Variants in ST8SIA1 observed in about 807,000 individuals in gnomAD.
The protein encoded by ST8SIA1 is alpha-N-acetylneuraminide alpha-2,8-sialyltransferase.
Under a neutral mutation model 35.9 loss-of-function variants are expected in ST8SIA1, and 16 were observed. That is an observed-to-expected ratio of 0.45 (90% CI 0.30 to 0.68). The LOEUF (loss-of-function observed/expected upper bound fraction) is 0.68, where lower values mean the gene tolerates loss of function less well. Among genes scored for constraint, ST8SIA1 ranks in the 30% least tolerant of loss-of-function variants. ST8SIA1 has a pLI of 0.09. For missense variants in ST8SIA1, 383 were observed against 453.6 expected, an observed-to-expected ratio of 0.84 and a Z score of 1.41; for synonymous variants, 170 against 169.6, an observed-to-expected ratio of 1.00 and a Z score of -0.02.
At position 22,201,351 on chromosome 12, in the gene ST8SIA1, G is replaced by A. The variant is rs1349220752; in HGVS notation, c.*201C>T. 5 of 630,970 alleles carry A rather than the reference G, an allele frequency of 7.9e-6. No homozygotes were observed. Among genetic ancestry groups the A allele is most frequent in the Non-Finnish European group, 1.3e-5 (5 of 388,398 alleles). 39.1% of individuals were successfully genotyped at this position (630,970 alleles called of 1,614,324 possible). A position where few individuals can be genotyped will look rare whatever the true frequency, so the allele number is the denominator to read the frequency against. ...TTGCAAATCTGCCATGTGCTATAAA[G>A]TATTTCATAGGATGTTTCATTTCTT... On this transcript the variant is annotated 3_prime_UTR_variant, in exon 5 of 5. Transcript: ENST00000396037.
chr12:22,232,821 G>A (rs938536269), intron 4 of ST8SIA1, among the ~76,000 whole-genome samples: 2 of 152,020 alleles, frequency 1.3e-5, no homozygotes, highest in Non-Finnish European at 2.9e-5. Context: ...CCAGGTGACA[G>A]AGACTCTGCC....
chr12:22,209,160 A>T (rs2120628915), intron 4 of ST8SIA1, among the ~76,000 whole-genome samples: 1 of 152,356 alleles, frequency 6.6e-6, no homozygotes, highest in East Asian at 1.9e-4. Flanking sequence ...GACAAGCAGC[A>T]GATTGGGATG....
intron 1 of ST8SIA1, among the ~76,000 whole-genome samples, chr12:22,323,802 C>T (rs1258471365): frequency 6.6e-6 from 1 of 152,146 alleles, no homozygotes; most frequent in East Asian, 1.9e-4. Flanking sequence ...GAGAGCTGAT[C>T]GATGAGAACA....
intron 2 of ST8SIA1, among the ~76,000 whole-genome samples, chr12:22,282,227 C>A (rs1866045554): frequency 6.6e-6 from 1 of 152,118 alleles, no homozygotes; most frequent in African/African-American, 2.4e-5. Flanking sequence ...CCAGCCCTTC[C>A]ACCTACCAGC....
At chr12:22,275,880 A>G (rs1331962223) in intron 2 of ST8SIA1, among the ~76,000 whole-genome samples, 6 of 152,214 alleles carry the variant, frequency 3.9e-5, no homozygotes, top group Non-Finnish European at 8.8e-5. Flanking sequence ...TTCTGCAACT[A>G]TAAGCTGATG....
rs1376447987 is a variant in ST8SIA1, at chr12:22,200,124, CGCTCAACA to C, written c.*1420_*1427del. On this transcript the variant is annotated 3_prime_UTR_variant, in exon 5 of 5. Transcript: ENST00000396037. ...GTACAAACTATACCTTGTGTGACCA[CGCTCAACA>C]GCAAGCCCATTCATGAGATTTTGGG... 6.6e-6 allele frequency: 1 copy of C among 152,228 alleles called. No homozygotes were observed. The highest frequency in any genetic ancestry group is 1.5e-5 in the Non-Finnish European group (1 of 68,048). The allele number at this position is 152,228 out of a possible 1,614,324, so 9.4% of individuals were successfully genotyped here. A position where few individuals can be genotyped will look rare whatever the true frequency, so the allele number is the denominator to read the frequency against.
chr12:22,300,286 C>A (rs1304596566), intron 1 of ST8SIA1, among the ~76,000 whole-genome samples: 1 of 152,036 alleles, frequency 6.6e-6, no homozygotes, highest in East Asian at 1.9e-4. Context: ...AGACACAAGG[C>A]CAGAAATTAA....
intron 4 of ST8SIA1, among the ~76,000 whole-genome samples, chr12:22,213,059 G>A (rs144193803): frequency 9.7e-4 from 147 of 152,130 alleles, no homozygotes; most frequent in African/African-American, 3.4e-3. Context: ...CCAAAGAACT[G>A]ACTCGACAGG....
intron 1 of ST8SIA1, among the ~76,000 whole-genome samples, chr12:22,304,364 G>GT (rs1269318179): frequency 1.2e-4 from 9 of 72,130 alleles, no homozygotes; most frequent in African/African-American, 5.2e-4. Flanking sequence ...TTGAGCAAAA[G>GT]TTTTTTTCTT....
intron 3 of ST8SIA1, among the ~76,000 whole-genome samples, chr12:22,250,522 A>G (rs1865656919): frequency 6.6e-6 from 1 of 152,186 alleles, no homozygotes; most frequent in South Asian, 2.1e-4. Flanking sequence ...CCATATGTCT[A>G]ACTTGATTCC....
chr12:22,202,742 T>G lies in ST8SIA1; in HGVS notation c.585-704A>C, dbSNP rs542322463. ...TGTATAAAGTACTATGGAATACAGA[T>G]GAAAAAAATAATTCTGCCTGGAAAG... On this transcript the variant is annotated intron_variant, in intron 4 of 4. Transcript: ENST00000396037. Among the ~76,000 whole-genome samples, 3 of 152,238 alleles carry G rather than the reference T, an allele frequency of 2.0e-5. No individual in the cohort carries two copies. In the South Asian group the frequency reaches 6.2e-4, roughly 32 times the overall value.
chr12:22,281,245 A>G (rs967276567), intron 2 of ST8SIA1, among the ~76,000 whole-genome samples: 1 of 152,202 alleles, frequency 6.6e-6, no homozygotes, highest in South Asian at 2.1e-4. Flanking sequence ...TGTTACTCAT[A>G]ATAATGATAC....
chr12:22,267,541 C>A (rs564023198), intron 2 of ST8SIA1, among the ~76,000 whole-genome samples: 1 of 152,236 alleles, frequency 6.6e-6, no homozygotes, highest in East Asian at 1.9e-4. Flanking sequence ...CCTTCTCTTC[C>A]CAGTATTCCT....
chr12:22,306,146 G>T (rs1164498741), intron 1 of ST8SIA1, among the ~76,000 whole-genome samples: 3 of 152,098 alleles, frequency 2.0e-5, no homozygotes, highest in Non-Finnish European at 4.4e-5. Flanking sequence ...TGCCTTTCTG[G>T]ATGGAACCAA....
intron 4 of ST8SIA1, among the ~76,000 whole-genome samples, chr12:22,216,101 C>T (rs529180645): frequency 4.6e-5 from 7 of 152,266 alleles, no homozygotes; most frequent in African/African-American, 1.7e-4. Flanking sequence ...TGGCAGTTGG[C>T]CAACCCTAAC....
chr12:22,288,778 GTT>G (rs1320349050), intron 1 of ST8SIA1, among the ~76,000 whole-genome samples: 2 of 152,132 alleles, frequency 1.3e-5, no homozygotes, highest in African/African-American at 4.8e-5. Flanking sequence ...CTGGCCCTCC[GTT>G]TCTCATTAGC....
intron 4 of ST8SIA1, among the ~76,000 whole-genome samples, chr12:22,248,100 T>C (rs985131770): frequency 3.3e-5 from 5 of 152,214 alleles, no homozygotes; most frequent in Non-Finnish European, 5.9e-5. Flanking sequence ...TCTCCCAAAA[T>C]TAAAAGCTGA....
At chr12:22,291,183 A>G (rs1333561514) in intron 1 of ST8SIA1, among the ~76,000 whole-genome samples, 1 of 152,212 alleles carries the variant, frequency 6.6e-6, no homozygotes, top group Non-Finnish European at 1.5e-5. Flanking sequence ...ACCGACTAGG[A>G]AGACAGATAC....
chr12:22,220,204 A>T (rs573023776), intron 4 of ST8SIA1, among the ~76,000 whole-genome samples: 1 of 152,328 alleles, frequency 6.6e-6, no homozygotes, highest in Non-Finnish European at 1.5e-5. Flanking sequence ...AACTCACATG[A>T]TGAGACACGA....
Sources: allele counts gnomAD v4.1 joint callset (sites outside exome capture counted in the v4.1 genomes callset), GRCh38; gene constraint gnomAD v4.1.1; transcripts MANE v1.5; gene names NCBI Gene and HGNC (gene_info 2026-07-23, HGNC 2026-07-21).